Variants in RAB11FIP2 observed in about 807,000 individuals in gnomAD.
The protein encoded by RAB11FIP2 is RAB11 family interacting protein 2, also known as rab11 family-interacting protein 2.
In RAB11FIP2, 16 loss-of-function variants were observed where a neutral mutation model predicts 40.9. The observed-to-expected ratio is 0.39, with a 90% confidence interval of 0.26 to 0.59. The LOEUF (loss-of-function observed/expected upper bound fraction) is 0.59. RAB11FIP2 is among the 20% of genes least tolerant of loss of function. The pLI is 0.53. For missense variants in RAB11FIP2, 532 were observed against 606.2 expected, an observed-to-expected ratio of 0.88 and a Z score of 1.28; for synonymous variants, 228 against 213.7, an observed-to-expected ratio of 1.07 and a Z score of -0.58.
Position 118,039,067 on chromosome 10 carries a change from A to G in RAB11FIP2, c.1170T>C (p.Asn390=), listed in dbSNP as rs1846517876. The change falls in exon 3 of 5, where the codon AAT becomes AAC. Residue 390 remains asparagine (N), a synonymous_variant. Coordinates refer to ENST00000355624, the MANE Select transcript of RAB11FIP2 (RefSeq NM_014904.3). ...AGTCCTGGCGATTTTCACTAAATGC[A>G]TTAGGTGATTTCAAGTCACAAGGGC... is the stretch of plus-strand genomic sequence containing the variant. ...SDSPCDLKSP[N]AFSENRQDYF... 14 of 1,613,646 alleles carry G rather than the reference A, an allele frequency of 8.7e-6. No homozygotes were observed. The highest frequency in any genetic ancestry group is 2.2e-5 in the East Asian group (1 of 44,854).
At chr10:118,034,017 T>C in intron 3 of RAB11FIP2, 1 of 702,128 alleles carries the variant, frequency 1.4e-6, no homozygotes, top group South Asian at 1.5e-5. Context: ...TCCATTCAGC[T>C]ACTGCAGGGG....
In RAB11FIP2 at chr10:118,043,491, G is replaced by A. The variant is rs930015553; in HGVS notation, c.353+2320C>T. 8.5e-4 allele frequency: 130 copies of A among 152,180 alleles called. 1 individual carries two copies. The highest frequency in any genetic ancestry group is 3.0e-3 in the African/African-American group (124 of 41,532). 9.4% of individuals were successfully genotyped at this position (152,180 alleles called of 1,614,324 possible). On this transcript the variant is annotated intron_variant, in intron 1 of 4. Coordinates refer to ENST00000355624, the MANE Select transcript of RAB11FIP2 (RefSeq NM_014904.3). The stretch of plus-strand genomic sequence containing the variant: ...AGGAGATACAGAAGTTCTCTTCCCA[G>A]GCCCACTCAAAGGGTTCTGGCTCAG...
chr10:118,019,038 C>G (rs987817730), intron 3 of RAB11FIP2, among the ~76,000 whole-genome samples: 1 of 150,670 alleles, frequency 6.6e-6, no homozygotes, highest in Non-Finnish European at 1.5e-5. Flanking sequence ...AAAAACCCTA[C>G]ATAAGAACAA....
chr10:118,016,483 A>C (rs1846221294), intron 3 of RAB11FIP2, among the ~76,000 whole-genome samples: 1 of 152,126 alleles, frequency 6.6e-6, no homozygotes, highest in South Asian at 2.1e-4. Context: ...CACATAGTCC[A>C]CCTTAGCCTA....
At chr10:118,020,745 A>G (rs1846275063) in intron 3 of RAB11FIP2, among the ~76,000 whole-genome samples, 1 of 152,134 alleles carries the variant, frequency 6.6e-6, no homozygotes, top group Non-Finnish European at 1.5e-5. Flanking sequence ...CCTCCCCACT[A>G]AACTTCCCTC....
chr10:118,021,985 T>C (rs1047080348), intron 3 of RAB11FIP2, among the ~76,000 whole-genome samples: 5 of 152,230 alleles, frequency 3.3e-5, no homozygotes, highest in African/African-American at 1.2e-4. Context: ...CTTTATAATG[T>C]CATGCTTACA....
Position 118,008,914 on chromosome 10 carries a change from T to C in RAB11FIP2, c.*84A>G. 9.2e-7 allele frequency: 1 copy of C among 1,090,134 alleles called. No homozygotes were observed. The highest frequency in any genetic ancestry group is 1.4e-6 in the Non-Finnish European group (1 of 731,448). 67.5% of individuals were successfully genotyped at this position (1,090,134 alleles called of 1,614,324 possible). On this transcript the variant is annotated 3_prime_UTR_variant, in exon 5 of 5. Coordinates refer to ENST00000355624, the MANE Select transcript of RAB11FIP2 (RefSeq NM_014904.3). ...TATGTAATGAAACCTGATAGTGTAG[T>C]CTCTTTCAGTAACAAGTTTTTCCTT...
chr10:118,038,229 TAC>T (rs1589647435), intron 3 of RAB11FIP2, among the ~76,000 whole-genome samples: 1 of 151,364 alleles, frequency 6.6e-6, no homozygotes, highest in East Asian at 1.9e-4. Flanking sequence ...TTAGCATATC[TAC>T]ACTTATATCT....
rs1846638253 is a variant in RAB11FIP2 at position 118,046,372 on chromosome 10, GA to G, written c.-210del. ...CTCCGGGGGTCCCCTTTCGTCTGGA[GA>G]AACACAGAGGCCCACCATCACCTGG... On this transcript the variant is annotated 5_prime_UTR_variant, in exon 1 of 5. It removes the in-frame stop codon of an upstream open reading frame in the 5' UTR. Transcript: ENST00000355624. The G allele has an allele frequency of 1.7e-6, 1 of 576,296 alleles. No homozygotes were observed. Among genetic ancestry groups the G allele is most frequent in the African/African-American group, 1.9e-5 (1 of 53,464 alleles). The allele number at this position is 576,296 out of a possible 1,614,324, so 35.7% of individuals were successfully genotyped here.
intron 1 of RAB11FIP2, among the ~76,000 whole-genome samples, chr10:118,044,148 G>A (rs1846596750): frequency 6.6e-6 from 1 of 152,174 alleles, no homozygotes; most frequent in Non-Finnish European, 1.5e-5. Context: ...TAACTGTGAT[G>A]TTGCCCAGGA....
intron 3 of RAB11FIP2, among the ~76,000 whole-genome samples, chr10:118,021,257 A>G (rs1260308920): frequency 6.6e-6 from 1 of 152,224 alleles, no homozygotes; most frequent in Non-Finnish European, 1.5e-5. Context: ...TTTGAATAAT[A>G]CCACCTCATA....
intron 4 of RAB11FIP2, among the ~76,000 whole-genome samples, chr10:118,010,548 C>G (rs1376976065): frequency 1.3e-5 from 2 of 152,068 alleles, no homozygotes; most frequent in East Asian, 3.9e-4. Context: ...GCCCTCACCA[C>G]TTCCCCAGCC....
rs1019521443 is a variant in RAB11FIP2 at position 118,007,742 on chromosome 10, C to T, written c.*1256G>A. The T allele has an allele frequency of 3.3e-5, 5 of 151,798 alleles. No individual in the cohort carries two copies. In the South Asian group the frequency reaches 1.0e-3, roughly 32 times the overall value. 9.4% of individuals were successfully genotyped at this position (151,798 alleles called of 1,614,324 possible). A position where few individuals can be genotyped will look rare whatever the true frequency, so the allele number is the denominator to read the frequency against. Reference sequence around the variant, plus strand: ...TTGTACAAATCATATAAAAATAATCCATGGAAGAAATCAGTATTTTGGGGG... The same window carrying T: ...TTGTACAAATCATATAAAAATAATCTATGGAAGAAATCAGTATTTTGGGGG... On this transcript the variant is annotated 3_prime_UTR_variant, in exon 5 of 5. Coordinates refer to ENST00000355624, the MANE Select transcript of RAB11FIP2 (RefSeq NM_014904.3).
intron 3 of RAB11FIP2, among the ~76,000 whole-genome samples, chr10:118,016,986 T>C (rs898173169): frequency 2.0e-5 from 3 of 152,216 alleles, no homozygotes; most frequent in African/African-American, 4.8e-5. Flanking sequence ...TACATAGCAC[T>C]TAATGTGTGC....
intron 3 of RAB11FIP2, among the ~76,000 whole-genome samples, chr10:118,032,056 T>G (rs1463084125): frequency 1.3e-5 from 2 of 152,044 alleles, no homozygotes; most frequent in African/African-American, 4.8e-5. Context: ...AAATTCAGAA[T>G]AAGACATACA....
At chr10:118,010,557 C>A (rs933003807) in intron 4 of RAB11FIP2, among the ~76,000 whole-genome samples, 2 of 152,044 alleles carry the variant, frequency 1.3e-5, no homozygotes, top group Non-Finnish European at 2.9e-5. Flanking sequence ...ACTTCCCCAG[C>A]CTCTCAGCCC....
intron 3 of RAB11FIP2, among the ~76,000 whole-genome samples, chr10:118,026,989 TAA>T (rs1235112839): frequency 1.3e-5 from 2 of 152,120 alleles, no homozygotes; most frequent in Non-Finnish European, 2.9e-5. Flanking sequence ...TACTTTTATT[TAA>T]GTTTTTTTTT....
intron 2 of RAB11FIP2, chr10:118,039,832 G>C (rs889021221): frequency 2.4e-5 from 9 of 381,532 alleles, no homozygotes; most frequent in African/African-American, 1.7e-4. Context: ...ATTCATTTAT[G>C]CTCAGGGTTT....
intron 3 of RAB11FIP2, among the ~76,000 whole-genome samples, chr10:118,019,884 A>G (rs537188384): frequency 6.6e-6 from 1 of 152,166 alleles, no homozygotes; most frequent in Admixed American, 6.5e-5. Context: ...GTATATACTG[A>G]GAACTGTGAC....
Sources: allele counts gnomAD v4.1 joint callset (sites outside exome capture counted in the v4.1 genomes callset), GRCh38; gene constraint gnomAD v4.1.1; transcripts MANE v1.5; gene names NCBI Gene and HGNC (gene_info 2026-07-23, HGNC 2026-07-21).